PTPRT: variants seen among roughly 807,000 people sequenced by gnomAD.
PTPRT encodes the protein receptor-type tyrosine-protein phosphatase T.
In PTPRT, 56 loss-of-function variants were observed where a neutral mutation model predicts 176.8. The observed-to-expected ratio is 0.32, with a 90% CI of 0.26 to 0.40. The LOEUF is 0.40. PTPRT is among the 10% of genes least tolerant of loss of function. The probability of loss-of-function intolerance (pLI) is 1.00; values close to 1 mark genes in which losing one functional copy is unlikely to be tolerated. For missense variants in PTPRT, 1,540 were observed against 1,908.2 expected (o/e 0.81, Z 3.60); for synonymous variants, 783 against 739.0 (o/e 1.06, Z -0.96).
chr20:42,247,138 C>T (rs1285414319), intron 14 of PTPRT, among the ~76,000 whole-genome samples: 1 of 152,162 alleles, frequency 6.6e-6, no homozygotes, highest in Non-Finnish European at 1.5e-5. Flanking sequence ...ACCAGAAAAT[C>T]AGTAGATGGA....
intron 1 of PTPRT, among the ~76,000 whole-genome samples, chr20:42,956,559 G>T (rs1276880506): frequency 6.6e-6 from 1 of 152,078 alleles, no homozygotes; most frequent in African/African-American, 2.4e-5. Context: ...GAAGCCTGCA[G>T]AACCAGGAGC....
At chr20:42,425,579 T>A (rs2059155735) in intron 9 of PTPRT, among the ~76,000 whole-genome samples, 1 of 152,182 alleles carries the variant, frequency 6.6e-6, no homozygotes, top group African/African-American at 2.4e-5. Flanking sequence ...GATAATATTG[T>A]ATTCTATACT....
At chr20:42,376,181 C>A (rs182832946) in intron 9 of PTPRT, among the ~76,000 whole-genome samples, 1 of 152,290 alleles carries the variant, frequency 6.6e-6, no homozygotes, top group East Asian at 1.9e-4. Context: ...GATGGAAACG[C>A]TCCACCCTGC....
chr20:42,450,425 T>C (rs904124802), intron 8 of PTPRT, among the ~76,000 whole-genome samples: 1 of 152,226 alleles, frequency 6.6e-6, no homozygotes, highest in African/African-American at 2.4e-5. Context: ...GTGTGTCTTT[T>C]TTAGAATACT....
At chr20:42,465,159 T>C (rs970216615) in intron 8 of PTPRT, among the ~76,000 whole-genome samples, 1 of 152,122 alleles carries the variant, frequency 6.6e-6, no homozygotes, top group African/African-American at 2.4e-5. Context: ...AAACACTCTT[T>C]GCTCCTTCAC....
chr20:42,115,789 T>G (rs1987243341), intron 21 of PTPRT, among the ~76,000 whole-genome samples: 2 of 150,758 alleles, frequency 1.3e-5, no homozygotes, highest in African/African-American at 2.4e-5. Flanking sequence ...GAATAAAAGG[T>G]GGGAAATAGG....
rs1040589647 is a variant in PTPRT, at chr20:42,201,377, T to C, written c.2343-1989A>G. ...TAGAAGTGTTTTAGAGGAGTTCACA[T>C]AGGACAAATTCCAGTTTGATAGCAT... On this transcript the variant is annotated intron_variant, in intron 15 of 30. Transcript: ENST00000373187. Among the ~76,000 whole-genome samples, 5 of 152,154 alleles carry C rather than the reference T, an allele frequency of 3.3e-5. No individual in the cohort carries two copies. The South Asian group carries it at 6.2e-4, about 19-fold the overall frequency.
intron 1 of PTPRT, among the ~76,000 whole-genome samples, chr20:42,935,468 T>A (rs898491405): frequency 6.6e-6 from 1 of 151,986 alleles, no homozygotes; most frequent in Non-Finnish European, 1.5e-5. Flanking sequence ...GAAACAAGTG[T>A]CTAGGTCCAG....
chr20:42,495,306 T>C (rs962189908), intron 7 of PTPRT, among the ~76,000 whole-genome samples: 2 of 152,200 alleles, frequency 1.3e-5, no homozygotes, highest in African/African-American at 4.8e-5. Context: ...GCACTTTAAC[T>C]GGGCACCTAG....
At chr20:42,906,062 A>G (rs1242145552) in intron 1 of PTPRT, among the ~76,000 whole-genome samples, 7 of 152,032 alleles carry the variant, frequency 4.6e-5, no homozygotes, top group East Asian at 1.9e-4. Flanking sequence ...ATATATATAT[A>G]AAAAAAAGAA....
intron 1 of PTPRT, among the ~76,000 whole-genome samples, chr20:43,161,052 C>T (rs1235264543): frequency 1.3e-5 from 2 of 152,164 alleles, no homozygotes. Flanking sequence ...CTGTGTCCAG[C>T]CAACTAGTGA....
intron 1 of PTPRT, among the ~76,000 whole-genome samples, chr20:42,977,537 T>C (rs933541410): frequency 1.3e-5 from 2 of 152,198 alleles, no homozygotes; most frequent in African/African-American, 4.8e-5. Context: ...GAATTGTTCA[T>C]AATCTACCAC....
intron 2 of PTPRT, among the ~76,000 whole-genome samples, chr20:42,805,446 T>C (rs1284691297): frequency 6.6e-6 from 1 of 152,200 alleles, no homozygotes; most frequent in African/African-American, 2.4e-5. Context: ...TTCACTGATG[T>C]TGCAGGTTAG....
chr20:42,765,164 T>C (rs2076965621), intron 5 of PTPRT, among the ~76,000 whole-genome samples: 2 of 152,198 alleles, frequency 1.3e-5, no homozygotes, highest in Admixed American at 6.5e-5. Context: ...GACACATGGC[T>C]TCATTTCTGA....
chr20:42,902,389 A>G (rs762461819), intron 1 of PTPRT, among the ~76,000 whole-genome samples: 1 of 151,698 alleles, frequency 6.6e-6, no homozygotes, highest in Non-Finnish European at 1.5e-5. Flanking sequence ...CTTTGACCCC[A>G]CTCCACATCT....
At chr20:42,920,571 T>C (rs1979082217) in intron 1 of PTPRT, among the ~76,000 whole-genome samples, 1 of 151,762 alleles carries the variant, frequency 6.6e-6, no homozygotes, top group Admixed American at 6.6e-5. Context: ...CTTAATACTT[T>C]TTTTTTTCCA....
intron 2 of PTPRT, among the ~76,000 whole-genome samples, chr20:42,847,827 A>T (rs1431868984): frequency 6.6e-6 from 1 of 152,214 alleles, no homozygotes; most frequent in African/African-American, 2.4e-5. Flanking sequence ...GTTAGAAAAC[A>T]GAGGTCTTTA....
intron 1 of PTPRT, among the ~76,000 whole-genome samples, chr20:43,089,306 AAAT>A (rs895860618): frequency 3.3e-5 from 5 of 152,346 alleles, no homozygotes; most frequent in South Asian, 2.1e-4. Flanking sequence ...AATCCCAAAG[AAAT>A]AATAATAAGT....
At chr20:42,467,612 A>T (rs1336700472) in intron 8 of PTPRT, among the ~76,000 whole-genome samples, 25 of 152,188 alleles carry the variant, frequency 1.6e-4, no homozygotes, top group Admixed American at 1.6e-3. Context: ...TAGGTCTTGT[A>T]TGCTAATTGG....
Sources: allele counts gnomAD v4.1 joint callset (sites outside exome capture counted in the v4.1 genomes callset), GRCh38; gene constraint gnomAD v4.1.1; transcripts MANE v1.5; gene names NCBI Gene and HGNC (gene_info 2026-07-23, HGNC 2026-07-21).